The following ADCY3 variants were observed in gnomAD, a reference collection of about 807,000 sequenced individuals.
ADCY3 encodes the protein adenylate cyclase type 3.
Under a neutral mutation model 119.4 loss-of-function variants are expected in ADCY3, and 70 were observed. That is an observed-to-expected ratio of 0.59 (90% CI 0.48 to 0.72). The LOEUF (loss-of-function observed/expected upper bound fraction) is 0.72, where lower values mean the gene tolerates loss of function less well. Among genes scored for constraint, ADCY3 ranks in the 30% least tolerant of loss-of-function variants. The probability of loss-of-function intolerance (pLI) is 0.00; values close to 1 mark genes in which losing one functional copy is unlikely to be tolerated. For missense variants in ADCY3, 1,238 were observed against 1,541.6 expected, an observed-to-expected ratio of 0.80 and a Z score of 3.30; for synonymous variants, 672 against 621.4, an observed-to-expected ratio of 1.08 and a Z score of -1.21.
At chr2:24,829,072 A>G (rs1249794512) in intron 13 of ADCY3, among the ~76,000 whole-genome samples, 3 of 149,588 alleles carry the variant, frequency 2.0e-5, no homozygotes, top group South Asian at 2.1e-4. Context: ...ACTGGCGTGC[A>G]GTGGTGCATT....
intron 2 of ADCY3, among the ~76,000 whole-genome samples, chr2:24,879,499 C>G (rs1420191994): frequency 4.7e-5 from 7 of 150,488 alleles, no homozygotes; most frequent in Non-Finnish European, 1.0e-4. Flanking sequence ...GCACATACCT[C>G]ACACAGGGCT....
rs201348363 is a variant in ADCY3, at chr2:24,819,923, C to T, written c.*9G>A. On this transcript the variant is annotated 3_prime_UTR_variant, in exon 22 of 22. Transcript: ENST00000679454. ...CTTCCGGTTTGGACTGTTGCAGGCT[C>T]GAGGCCATTCAGGAGTTGTCCACCA... 2.5e-5 allele frequency: 41 copies of T among 1,612,884 alleles called. No individual in the cohort carries two copies. Among genetic ancestry groups the T allele is most frequent in the African/African-American group, 1.9e-4 (14 of 74,764 alleles).
At chr2:24,871,216 TA>T (rs199608711) in intron 3 of ADCY3, among the ~76,000 whole-genome samples, 3 of 149,510 alleles carry the variant, frequency 2.0e-5, no homozygotes, top group Non-Finnish European at 3.0e-5. Flanking sequence ...GAGACAGTAT[TA>T]AAAAAAAACA....
chr2:24,869,572 A>C (rs1378117165), intron 3 of ADCY3, among the ~76,000 whole-genome samples: 2 of 151,850 alleles, frequency 1.3e-5, no homozygotes, highest in African/African-American at 4.8e-5. Flanking sequence ...CACTCAGCTA[A>C]TTTTTTAATT....
intron 2 of ADCY3, among the ~76,000 whole-genome samples, chr2:24,897,905 C>T (rs1465085959): frequency 2.0e-5 from 3 of 152,186 alleles, no homozygotes; most frequent in East Asian, 1.9e-4. Context: ...CAGCCATCAC[C>T]GTTCGCTGCC....
rs558440474 is a variant in ADCY3, at chr2:24,840,035, C to A, written c.1197-4G>T. ...CTTGGTCTTCTCCCGCACATACCTG[C>A]CAGGTACACACAGAAAGGAGGGTCA... On this transcript the variant is annotated splice_region_variant and splice_polypyrimidine_tract_variant and intron_variant, in intron 6 of 21. Coordinates refer to ENST00000679454, the MANE Select transcript of ADCY3 (RefSeq NM_004036.5). 14 of 1,605,250 alleles carry A rather than the reference C, an allele frequency of 8.7e-6. No homozygotes were observed. The African/African-American group carries it at 9.3e-5, about 11-fold the overall frequency.
intron 3 of ADCY3, among the ~76,000 whole-genome samples, chr2:24,850,920 T>C (rs1431100250): frequency 6.6e-6 from 1 of 152,156 alleles, no homozygotes; most frequent in Non-Finnish European, 1.5e-5. Flanking sequence ...TATGTGTGCA[T>C]AGAAATAAAG....
intron 7 of ADCY3, 185 bp from the exon 8 acceptor site, chr2:24,838,807 G>T: frequency 1.2e-6 from 2 of 1,605,312 alleles, no homozygotes; most frequent in Non-Finnish European, 1.7e-6. Flanking sequence ...AACTAGCTGT[G>T]TGGGCCGCTA....
intron 2 of ADCY3, among the ~76,000 whole-genome samples, chr2:24,902,929 A>G (rs1264304300): frequency 6.6e-6 from 1 of 151,968 alleles, no homozygotes; most frequent in Non-Finnish European, 1.5e-5. Context: ...TACTTGGGAG[A>G]CTGAGGCAGG....
chr2:24,864,582 T>C (rs939479146), intron 3 of ADCY3, among the ~76,000 whole-genome samples: 1 of 152,194 alleles, frequency 6.6e-6, no homozygotes, highest in Non-Finnish European at 1.5e-5. Context: ...CAGAAGAACC[T>C]TGAAGACATC....
chr2:24,919,669 G>GC lies in ADCY3; in HGVS notation c.-198+13dup, dbSNP rs1347378645. 1 of 152,352 alleles carries GC rather than the reference G, an allele frequency of 6.6e-6. No homozygotes were observed. The highest frequency in any genetic ancestry group is 1.5e-5 in the Non-Finnish European group (1 of 68,212). The allele number at this position is 152,352 out of a possible 1,614,324, so 9.4% of individuals were successfully genotyped here. A position where few individuals can be genotyped will look rare whatever the true frequency, so the allele number is the denominator to read the frequency against. On this transcript the variant is annotated intron_variant, in intron 1 of 21. Transcript: ENST00000679454. The surrounding 1 kb of genome is among the most constrained non-coding windows in gnomAD (Gnocchi z 5.5). ...TCTTCCCCCCCGGAAGCCTGGCCCT[G>GC]CCCCTGCGTTTACCTGTGCGGGAAC...
rs200700990 is a variant in ADCY3, at chr2:24,839,983, C to T, written c.1245G>A (p.Val415=). ...CGCCCCCCAGCACGGTGCCCGTGTG[C>T]ACCCCCACACGCATGTCCACCCCAG... ...TKTGVDMRVG[V]HTGTVLGGVL... The change falls in exon 7 of 22, where the codon GTG becomes GTA. Residue 415 remains valine, a synonymous_variant. Transcript: ENST00000679454. 8.7e-5 allele frequency: 141 copies of T among 1,613,690 alleles called. No homozygotes were observed. In the Middle Eastern group the frequency reaches 2.0e-3, roughly 23 times the overall value.
intron 2 of ADCY3, among the ~76,000 whole-genome samples, chr2:24,916,993 C>T (rs1664539904): frequency 6.6e-6 from 1 of 152,248 alleles, no homozygotes; most frequent in South Asian, 2.1e-4. Flanking sequence ...TCTCTGTTTC[C>T]TCCTCTGTAA....
intron 3 of ADCY3, among the ~76,000 whole-genome samples, chr2:24,868,364 G>T (rs1207443954): frequency 6.6e-6 from 1 of 152,214 alleles, no homozygotes; most frequent in African/African-American, 2.4e-5. Context: ...AAGAAAGGCT[G>T]AAAATCGGTC....
intron 2 of ADCY3, among the ~76,000 whole-genome samples, chr2:24,917,651 C>T (rs566189897): frequency 2.6e-4 from 39 of 152,282 alleles, no homozygotes; most frequent in African/African-American, 8.2e-4. Flanking sequence ...GGAGACCCTA[C>T]GTCACAGTGG....
At chr2:24,884,549 C>T (rs1676800980) in intron 2 of ADCY3, among the ~76,000 whole-genome samples, 1 of 140,492 alleles carries the variant, frequency 7.1e-6, no homozygotes, top group Non-Finnish European at 1.5e-5. Flanking sequence ...AATCTCAGCT[C>T]ACTGCAACCT....
In ADCY3 at chr2:24,831,767, C is replaced by A. The variant is rs1375280205; in HGVS notation, c.1968-18G>T. The A allele has an allele frequency of 2.1e-6, 3 of 1,434,606 alleles. No individual in the cohort carries two copies. Among genetic ancestry groups the A allele is most frequent in the African/African-American group, 1.5e-5 (1 of 67,924 alleles). The allele number at this position is 1,434,606 out of a possible 1,614,324, so 88.9% of individuals were successfully genotyped here. A position where few individuals can be genotyped will look rare whatever the true frequency, so the allele number is the denominator to read the frequency against. On this transcript the variant is annotated intron_variant, in intron 11 of 21. Transcript: ENST00000679454. ...TCATTAGCCTGTGACAGAGAGAAGA[C>A]AATTGGGAGAGGCCAGAGGGGACAG...
chr2:24,874,152 C>T (rs1016270983), intron 2 of ADCY3, among the ~76,000 whole-genome samples: 2 of 152,162 alleles, frequency 1.3e-5, no homozygotes, highest in African/African-American at 2.4e-5. Flanking sequence ...CCACCACACC[C>T]GGCAGAATGT....
intron 7 of ADCY3, among the ~76,000 whole-genome samples, chr2:24,839,588 G>A (rs893960855): frequency 1.4e-4 from 21 of 152,178 alleles, no homozygotes; most frequent in Non-Finnish European, 3.1e-4. Context: ...GTAAAGGGGA[G>A]GCAGCCCCCT....
Sources: gnomAD v4.1 joint callset for allele counts (sites outside exome capture counted in the v4.1 genomes callset) on GRCh38, gnomAD v4.1.1 for gene constraint, Gnocchi (gnomAD v3.1) non-coding constraint, MANE v1.5 for transcripts, NCBI Gene and HGNC (gene_info 2026-07-23, HGNC 2026-07-21) for gene names.